CADM2: variants seen among roughly 807,000 people sequenced by gnomAD.
The protein encoded by CADM2 is immunoglobulin superfamily member 4D.
CADM2 carries 12 observed loss-of-function variants against 49.8 expected under a neutral mutation model. That is an observed-to-expected ratio of 0.24 (90% confidence interval 0.15 to 0.39). CADM2 has a LOEUF of 0.39. Among genes scored for constraint, CADM2 ranks in the 10% least tolerant of loss-of-function variants. The probability of loss-of-function intolerance (pLI) is 1.00; values close to 1 mark genes in which losing one functional copy is unlikely to be tolerated. For synonymous variants in CADM2, 214 were observed against 175.4 expected, an observed-to-expected ratio of 1.22 and a Z score of -1.74; for missense variants, 378 against 492.3, an observed-to-expected ratio of 0.77 and a Z score of 2.20.
Position 85,776,336 on chromosome 3 carries a change from T to TACACACACAC in CADM2, c.89-25691_89-25682dup, listed in dbSNP as rs141105558. Among the ~76,000 whole-genome samples, 1,421 of 146,234 alleles carry TACACACACAC rather than the reference T, an allele frequency of 9.7e-3. 17 individuals are homozygous for TACACACACAC. Among genetic ancestry groups the TACACACACAC allele is most frequent in the African/African-American group, 0.022 (876 of 40,042 alleles). ...GGAAAATATGACACACAAACTCTCT[T>TACACACACAC]ACACACACACACACACACACACACA... On this transcript the variant is annotated intron_variant, in intron 2 of 9. Coordinates refer to ENST00000383699, the MANE Select transcript of CADM2 (RefSeq NM_001167675.2).
intron 1 of CADM2, among the ~76,000 whole-genome samples, chr3:85,688,675 C>A (rs2066288852): frequency 6.6e-6 from 1 of 150,546 alleles, no homozygotes. Context: ...TCAAACAATT[C>A]TTCTGCCTCA....
chr3:85,479,019 C>T (rs2039097894), intron 1 of CADM2, among the ~76,000 whole-genome samples: 1 of 151,794 alleles, frequency 6.6e-6, no homozygotes, highest in African/African-American at 2.4e-5. Context: ...TCATAACTAA[C>T]TGAAGCTTCA....
chr3:85,843,811 T>C (rs977652719), intron 3 of CADM2, among the ~76,000 whole-genome samples: 24 of 151,948 alleles, frequency 1.6e-4, no homozygotes, highest in African/African-American at 5.6e-4. Flanking sequence ...GCAAATATGT[T>C]AGACAATGTT....
intron 1 of CADM2, among the ~76,000 whole-genome samples, chr3:85,429,418 T>A (rs899036891): frequency 6.6e-6 from 1 of 152,094 alleles, no homozygotes; most frequent in Admixed American, 6.6e-5. Flanking sequence ...AAGTAATAAA[T>A]ATGAGCAATC....
chr3:85,050,891 A>C (rs374870231), intron 1 of CADM2, among the ~76,000 whole-genome samples: 1 of 152,182 alleles, frequency 6.6e-6, no homozygotes, highest in Non-Finnish European at 1.5e-5. Flanking sequence ...TTCAAGTTAC[A>C]TATTCTAGGT....
intron 2 of CADM2, among the ~76,000 whole-genome samples, chr3:85,732,195 A>T (rs1215232071): frequency 1.3e-5 from 2 of 151,496 alleles, no homozygotes; most frequent in African/African-American, 4.8e-5. Context: ...TGGGAGGCGG[A>T]GTTTGCAGTG....
intron 2 of CADM2, among the ~76,000 whole-genome samples, chr3:85,773,105 G>C (rs1365612052): frequency 6.6e-6 from 1 of 151,810 alleles, no homozygotes; most frequent in Non-Finnish European, 1.5e-5. Context: ...CTTCCCCAAA[G>C]AAATTCAGGA....
chr3:85,332,200 T>C (rs533492634), intron 1 of CADM2, among the ~76,000 whole-genome samples: 1 of 152,204 alleles, frequency 6.6e-6, no homozygotes, highest in Admixed American at 6.6e-5. Flanking sequence ...ATAACAGATA[T>C]AAAACTAGTC....
intron 1 of CADM2, among the ~76,000 whole-genome samples, chr3:85,182,182 A>G (rs894764471): frequency 1.1e-4 from 16 of 152,100 alleles, no homozygotes; most frequent in East Asian, 7.7e-4. Context: ...TGGTGCTTTT[A>G]ACATACATCC....
In CADM2 at chr3:85,552,546, A is replaced by G. The variant is rs529911383; in HGVS notation, c.62-173976A>G. 2.6e-5 allele frequency among the ~76,000 whole-genome samples: 4 copies of G among 151,474 alleles called. No homozygotes were observed. In the East Asian group the frequency reaches 7.8e-4, roughly 30 times the overall value. On this transcript the variant is annotated intron_variant, in intron 1 of 9. Transcript: ENST00000383699. ...CAGGCGCCCGCCACCATGCCTGGCT[A>G]ATTTTTTGTATGTTTAGTAGAGACG...
At chr3:85,558,043 T>TA (rs1424049559) in intron 1 of CADM2, among the ~76,000 whole-genome samples, 1 of 152,030 alleles carries the variant, frequency 6.6e-6, no homozygotes, top group Non-Finnish European at 1.5e-5. Flanking sequence ...TGTCTTCCTG[T>TA]AAAACCAGTC....
intron 3 of CADM2, among the ~76,000 whole-genome samples, chr3:85,860,525 AT>A (rs1421029068): frequency 1.3e-5 from 2 of 152,192 alleles, no homozygotes; most frequent in East Asian, 3.9e-4. Flanking sequence ...ACGGAAGTTT[AT>A]TTCTCACAGT....
chr3:86,021,857 A>G (rs1380087738), intron 8 of CADM2, among the ~76,000 whole-genome samples: 1 of 152,210 alleles, frequency 6.6e-6, no homozygotes, highest in Non-Finnish European at 1.5e-5. Flanking sequence ...ATATAAGTCA[A>G]GAGATAAAGT....
chr3:85,565,359 T>G (rs2062227369), intron 1 of CADM2, among the ~76,000 whole-genome samples: 1 of 152,100 alleles, frequency 6.6e-6, no homozygotes, highest in East Asian at 1.9e-4. Flanking sequence ...AAGTTCCTTC[T>G]TTGTCTCCTG....
At chr3:85,478,604 AC>A (rs60438186) in intron 1 of CADM2, among the ~76,000 whole-genome samples, 31,426 of 151,810 alleles carry the variant, frequency 0.21, 3,855 homozygotes, top group East Asian at 0.3. Flanking sequence ...GTAAGAAGCA[AC>A]CCAGGGAATT....
chr3:85,984,088 T>C (rs188213379), intron 8 of CADM2, among the ~76,000 whole-genome samples: 2 of 149,726 alleles, frequency 1.3e-5, no homozygotes, highest in African/African-American at 4.9e-5. Context: ...TATTATGTTA[T>C]ATATGATATA....
intron 3 of CADM2, among the ~76,000 whole-genome samples, chr3:85,855,500 C>T (rs988390032): frequency 6.0e-5 from 9 of 150,068 alleles, no homozygotes; most frequent in Middle Eastern, 3.5e-3. Flanking sequence ...TTATTCAAGA[C>T]GGTTTTACAA....
At chr3:85,205,018 ATTT>A (rs201950814) in intron 1 of CADM2, among the ~76,000 whole-genome samples, 342 of 141,070 alleles carry the variant, frequency 2.4e-3, no homozygotes, top group African/African-American at 8.3e-3. Context: ...ACTTTACTTA[ATTT>A]TTTTTTTTTT....
At chr3:85,845,825 T>C (rs2074855364) in intron 3 of CADM2, among the ~76,000 whole-genome samples, 1 of 152,162 alleles carries the variant, frequency 6.6e-6, no homozygotes, top group Non-Finnish European at 1.5e-5. Context: ...AATTTTAACA[T>C]GGTGTTTAGA....
Sources: gnomAD v4.1 joint callset for allele counts (sites outside exome capture counted in the v4.1 genomes callset) on GRCh38, gnomAD v4.1.1 for gene constraint, MANE v1.5 for transcripts, NCBI Gene and HGNC (gene_info 2026-07-23, HGNC 2026-07-21) for gene names.